CNTRL: variants seen among roughly 807,000 people sequenced by gnomAD.
The protein encoded by CNTRL is 110 kDa centrosomal protein.
CNTRL carries 233 observed loss-of-function variants against 303.7 expected under a neutral mutation model. The observed-to-expected ratio is 0.77, with a 90% CI of 0.69 to 0.86. The LOEUF is 0.86. Among genes scored for constraint, CNTRL ranks in the 40% least tolerant of loss-of-function variants. The probability of loss-of-function intolerance (pLI) is 0.00; values close to 1 mark genes in which losing one functional copy is unlikely to be tolerated. For missense variants in CNTRL, 2,524 were observed against 2,650.6 expected (o/e 0.95, Z 1.05); for synonymous variants, 900 against 922.2 (o/e 0.98, Z 0.44).
Position 121,148,843 on chromosome 9 carries a change from A to G in CNTRL, c.3631A>G (p.Lys1211Glu), listed in dbSNP as rs750612833. ...TTCTCCCATCAGGAGTGGGTTACAT[A>G]AACTGTTTCCAAGTAGAGGTAAGTC... ...VYSPIRSGLHKLFPSRDADSG... is the reference protein window; with the variant it reads ...VYSPIRSGLHELFPSRDADSG... The change falls in exon 24 of 44, where the codon AAA becomes GAA. Residue 1211 changes from lysine to glutamate, a missense_variant. Coordinates refer to ENST00000373855, the MANE Select transcript of CNTRL (RefSeq NM_007018.6). 1 of 1,612,908 alleles carries G rather than the reference A, an allele frequency of 6.2e-7. No individual in the cohort carries two copies. The highest frequency in any genetic ancestry group is 1.1e-5 in the South Asian group (1 of 90,988).
intron 19 of CNTRL, among the ~76,000 whole-genome samples, chr9:121,143,407 T>G (rs1436064113): frequency 6.6e-6 from 1 of 152,202 alleles, no homozygotes; most frequent in East Asian, 1.9e-4. Context: ...GCCAAGATGC[T>G]CTTTCTGAAA....
intron 39 of CNTRL, among the ~76,000 whole-genome samples, chr9:121,170,744 C>T (rs898095534): frequency 3.9e-5 from 6 of 152,194 alleles, no homozygotes; most frequent in East Asian, 1.9e-4. Flanking sequence ...TAAGCCACCG[C>T]GCCTAGCCAG....
chr9:121,131,554 T>G (rs113341571), intron 14 of CNTRL, among the ~76,000 whole-genome samples: 1 of 152,170 alleles, frequency 6.6e-6, no homozygotes, highest in Non-Finnish European at 1.5e-5. Flanking sequence ...CTCCTGAATA[T>G]AGCACACTGA....
chr9:121,113,751 TA>T (rs3831035), intron 10 of CNTRL, 27 bp downstream of exon 10: 172,470 of 1,325,248 alleles, frequency 0.13, 12,774 homozygotes, highest in African/African-American at 0.31. Context: ...TTAAATTCTT[TA>T]AAAAAAAATA....
chr9:121,146,121 C>T lies in CNTRL; in HGVS notation c.3324C>T (p.Gly1108=). 5 of 1,608,684 alleles carry T rather than the reference C, an allele frequency of 3.1e-6. No individual in the cohort carries two copies. The highest frequency in any genetic ancestry group is 3.4e-6 in the Non-Finnish European group (4 of 1,178,542). Residue 1108 remains glycine (G), a synonymous_variant, in exon 23 of 44, where the codon GGC becomes GGT. Transcript: ENST00000373855. ...TTTTCTTTACAGACAACAAAGGAGG[C>T]TTTGAAAATGTTTTAGAAGAAATTG... The part of the protein sequence containing the change: ...LDLTGSDNKG[G]FENVLEEIAE...
intron 15 of CNTRL, among the ~76,000 whole-genome samples, chr9:121,136,965 C>T (rs918916282): frequency 7.2e-5 from 11 of 152,042 alleles, no homozygotes; most frequent in African/African-American, 1.7e-4. Context: ...GATTTGGCCA[C>T]GCAGAGGGGA....
In CNTRL at chr9:121,087,659, C is replaced by A. The variant is rs1281239839; in HGVS notation, c.-31-637C>A. 5.3e-5 allele frequency among the ~76,000 whole-genome samples: 8 copies of A among 152,052 alleles called. No individual in the cohort carries two copies. In the South Asian group the frequency reaches 1.2e-3, roughly 24 times the overall value. ...TGAGCCGAGATCGCACCATTGCACT[C>A]CAGCCTGGGCGACAAGAGTGAGATT... On this transcript the variant is annotated intron_variant, in intron 2 of 43. Transcript: ENST00000373855.
At position 121,075,029 on chromosome 9, in the gene CNTRL, A is replaced by G. The variant is rs575251449; in HGVS notation, c.-243A>G. 1 of 450,604 alleles carries G rather than the reference A, an allele frequency of 2.2e-6. No individual in the cohort carries two copies. Among genetic ancestry groups the G allele is most frequent in the Non-Finnish European group, 4.5e-6 (1 of 223,192 alleles). The allele number at this position is 450,604 out of a possible 1,614,324, so 27.9% of individuals were successfully genotyped here. ...AAAGAGCCCGAACTTCTCCCGCTCT[A>G]CCTCAGCCTGCGGGACTGCTCGGCT... On this transcript the variant is annotated 5_prime_UTR_variant, in exon 1 of 44. Coordinates refer to ENST00000373855, the MANE Select transcript of CNTRL (RefSeq NM_007018.6).
At position 121,135,910 on chromosome 9, in the gene CNTRL, T is replaced by C. The variant is rs748230390; in HGVS notation, c.2130T>C (p.Ala710=). Residue 710 remains alanine, a synonymous_variant, in exon 15 of 44, where the codon GCT becomes GCC. Transcript: ENST00000373855. ...DLSAYEAELE[A]RLNLRDAEAN... is the part of the protein sequence containing the mutation. ...GTGCCTATGAAGCTGAGCTAGAGGC[T>C]CGGCTAAACCTAAGGGATGCTGAAG... 2 of 1,613,954 alleles carry C rather than the reference T, an allele frequency of 1.2e-6. No homozygotes were observed. Among genetic ancestry groups the C allele is most frequent in the Admixed American group, 3.3e-5 (2 of 60,010 alleles).
chr9:121,166,246 CAAAG>C (rs1201200805), intron 36 of CNTRL, 66 bp downstream of exon 36: 17 of 1,138,834 alleles, frequency 1.5e-5, no homozygotes, highest in Non-Finnish European at 1.9e-5. Flanking sequence ...GTTTAAATAA[CAAAG>C]AAATCAAGTA....
chr9:121,091,810 C>A (rs2132334175), intron 4 of CNTRL, among the ~76,000 whole-genome samples: 1 of 151,508 alleles, frequency 6.6e-6, no homozygotes, highest in East Asian at 1.9e-4. Flanking sequence ...CGCCATTGTA[C>A]TCTAGCCTGG....
At chr9:121,083,478 T>C (rs1480975136) in intron 2 of CNTRL, among the ~76,000 whole-genome samples, 5 of 152,220 alleles carry the variant, frequency 3.3e-5, no homozygotes, top group Non-Finnish European at 7.4e-5. Flanking sequence ...GCCTTTCATA[T>C]CTTGTTCCAC....
intron 36 of CNTRL, 149 bp from the exon 37 acceptor site, chr9:121,167,340 C>G: frequency 1.5e-6 from 1 of 653,618 alleles, no homozygotes; most frequent in South Asian, 2.3e-5. Context: ...CATCTAAATT[C>G]TCTTGTACCT....
intron 33 of CNTRL, 22 bp downstream of exon 33, chr9:121,161,993 C>T (rs370370646): frequency 5.6e-6 from 9 of 1,612,002 alleles, no homozygotes; most frequent in African/African-American, 1.3e-5. Flanking sequence ...AGCCAGTGTA[C>T]CCTTAAGAAA....
At position 121,175,243 on chromosome 9, in the gene CNTRL, T is replaced by A. The variant is rs989393327; in HGVS notation, c.6954+19T>A. 3 of 1,610,468 alleles carry A rather than the reference T, an allele frequency of 1.9e-6. No homozygotes were observed. Among genetic ancestry groups the A allele is most frequent in the Admixed American group, 1.7e-5 (1 of 59,992 alleles). ...AAATCAGGTAAGCAGCAGCTCTTTT[T>A]AAAAACAAAACAATAGCCTGAGGTT... On this transcript the variant is annotated intron_variant, in intron 43 of 43. Transcript: ENST00000373855.
chr9:121,076,879 G>C (rs7856420), intron 1 of CNTRL, among the ~76,000 whole-genome samples: 92,925 of 151,320 alleles, frequency 0.61, 30,022 homozygotes, highest in South Asian at 0.89. Flanking sequence ...GGAAAGTACT[G>C]AAATCCAATT....
intron 14 of CNTRL, among the ~76,000 whole-genome samples, chr9:121,129,641 G>C (rs1362275842): frequency 1.3e-5 from 2 of 152,090 alleles, no homozygotes; most frequent in Admixed American, 1.3e-4. Context: ...TCTCTTTTCT[G>C]ATTGCCCTGG....
At chr9:121,100,164 G>T (rs1363173867) in intron 7 of CNTRL, among the ~76,000 whole-genome samples, 1 of 152,198 alleles carries the variant, frequency 6.6e-6, no homozygotes, top group African/African-American at 2.4e-5. Context: ...AGAGAGAAAG[G>T]TCGGGTTACC....
chr9:121,130,422 G>T (rs1002222107), intron 14 of CNTRL, among the ~76,000 whole-genome samples: 7 of 152,130 alleles, frequency 4.6e-5, no homozygotes, highest in African/African-American at 7.2e-5. Context: ...TTGCATAAAG[G>T]TGTTTATAGT....
Sources: gnomAD v4.1 joint callset for allele counts (sites outside exome capture counted in the v4.1 genomes callset) on GRCh38, gnomAD v4.1.1 for gene constraint, MANE v1.5 for transcripts, NCBI Gene and HGNC (gene_info 2026-07-23, HGNC 2026-07-21) for gene names.